LAMC1: variants seen among roughly 807,000 people sequenced by gnomAD.
LAMC1 encodes the protein laminin subunit gamma-1.
Under a neutral mutation model 173.6 loss-of-function variants are expected in LAMC1, and 38 were observed. The ratio of observed to expected loss-of-function variants is 0.22; its 90% CI spans 0.17 to 0.29. The LOEUF (loss-of-function observed/expected upper bound fraction) is 0.29, where lower values mean the gene tolerates loss of function less well. Ranked by LOEUF, LAMC1 falls within the 10% of genes least tolerant of loss-of-function variation. LAMC1 has a pLI of 1.00. For missense variants in LAMC1, 1,824 were observed against 2,051.8 expected, an observed-to-expected ratio of 0.89 and a Z score of 2.14; for synonymous variants, 746 against 749.1, an observed-to-expected ratio of 1.00 and a Z score of 0.07.
rs1264898133 is a variant in LAMC1, at chr1:183,142,887, C to G, written c.*97C>G. On this transcript the variant is annotated 3_prime_UTR_variant, in exon 28 of 28. Transcript: ENST00000258341. ...AAAGATTACATTTTTCAGACCCCCA[C>G]TCCTCTGCTGCTGTCCATGACTGTC... is the stretch of plus-strand genomic sequence containing the variant. 4 of 1,278,322 alleles carry G rather than the reference C, an allele frequency of 3.1e-6. No homozygotes were observed. The highest frequency in any genetic ancestry group is 4.7e-5 in the East Asian group (2 of 42,698). The allele number at this position is 1,278,322 out of a possible 1,614,324, so 79.2% of individuals were successfully genotyped here.
intron 4 of LAMC1, among the ~76,000 whole-genome samples, chr1:183,113,400 AT>A (rs35831525): frequency 0.52 from 78,631 of 152,012 alleles, 21,040 homozygotes; most frequent in South Asian, 0.65. Flanking sequence ...GTATTCGAAT[AT>A]TTTTTTTAAA....
Position 183,144,274 on chromosome 1 carries a change from A to G in LAMC1, c.*1484A>G, listed in dbSNP as rs558422227. 6.5e-6 allele frequency: 1 copy of G among 152,702 alleles called. No homozygotes were observed. Among genetic ancestry groups the G allele is most frequent in the South Asian group, 2.1e-4 (1 of 4,826 alleles). The allele number at this position is 152,702 out of a possible 1,614,324, so 9.5% of individuals were successfully genotyped here. A position where few individuals can be genotyped will look rare whatever the true frequency, so the allele number is the denominator to read the frequency against. ...ACACTGGTGCTATTAATTATTTCAA[A>G]TTTATATTTTTGTGTGAATGTTTTG... is the stretch of plus-strand genomic sequence containing the variant. On this transcript the variant is annotated 3_prime_UTR_variant, in exon 28 of 28. Coordinates refer to ENST00000258341, the MANE Select transcript of LAMC1 (RefSeq NM_002293.4).
intron 1 of LAMC1, among the ~76,000 whole-genome samples, chr1:183,090,813 G>T (rs550332409): frequency 4.6e-5 from 7 of 152,142 alleles, no homozygotes; most frequent in African/African-American, 1.4e-4. Context: ...TCTGCCTGGT[G>T]GGGGGAGGGT....
intron 27 of LAMC1, 90 bp from the exon 28 acceptor site, chr1:183,142,444 G>C: frequency 7.4e-7 from 1 of 1,359,114 alleles, no homozygotes; most frequent in South Asian, 1.4e-5. Flanking sequence ...AATGGCAGCT[G>C]CTGGGCCTAG....
At chr1:183,124,918 C>G (rs768583915) in intron 14 of LAMC1, 42 bp downstream of exon 14, 2 of 1,599,092 alleles carry the variant, frequency 1.3e-6, no homozygotes, top group Non-Finnish European at 8.5e-7. Context: ...CTAAATGCCC[C>G]TTTATTGTGA....
In LAMC1 at chr1:183,085,975, A is replaced by G. The variant is rs1386488239; in HGVS notation, c.419-17353A>G. On this transcript the variant is annotated intron_variant, in intron 1 of 27. Coordinates refer to ENST00000258341, the MANE Select transcript of LAMC1 (RefSeq NM_002293.4). ...TAAGAACTTGGAGTGCTTGATCCTT[A>G]GCATACATTTGTGTCCACTTAGGTC... is the stretch of plus-strand genomic sequence containing the variant. Among the ~76,000 whole-genome samples the G allele has an allele frequency of 2.0e-5, 3 of 152,138 alleles. No individual in the cohort carries two copies. In the East Asian group the frequency reaches 5.8e-4, roughly 29 times the overall value.
rs1433760839 is a variant in LAMC1 at position 183,118,154 on chromosome 1, A to T, written c.1990+8A>T. The T allele has an allele frequency of 9.0e-6, 13 of 1,447,638 alleles. No homozygotes were observed. The highest frequency in any genetic ancestry group is 1.2e-5 in the Non-Finnish European group (12 of 1,031,698). The allele number at this position is 1,447,638 out of a possible 1,614,324, so 89.7% of individuals were successfully genotyped here. Reference sequence around the variant, plus strand: ...GGACATACAGTGAGAGAAGTAAGTTATGATATAATTTAGGAGAGTTGTTTA... The same window carrying T: ...GGACATACAGTGAGAGAAGTAAGTTTTGATATAATTTAGGAGAGTTGTTTA... On this transcript the variant is annotated splice_region_variant and intron_variant, in intron 11 of 27. Coordinates refer to ENST00000258341, the MANE Select transcript of LAMC1 (RefSeq NM_002293.4).
intron 1 of LAMC1, among the ~76,000 whole-genome samples, chr1:183,049,049 T>C (rs898348198): frequency 6.6e-6 from 1 of 152,246 alleles, no homozygotes; most frequent in African/African-American, 2.4e-5. Flanking sequence ...TTGCATCTAA[T>C]GTGTACTCCA....
chr1:183,059,116 G>C (rs1307666853), intron 1 of LAMC1, among the ~76,000 whole-genome samples: 1 of 152,164 alleles, frequency 6.6e-6, no homozygotes, highest in Non-Finnish European at 1.5e-5. Context: ...GACTCATCTG[G>C]TAGTGAAGTG....
chr1:183,038,099 G>T (rs12083230), intron 1 of LAMC1, among the ~76,000 whole-genome samples: 12,241 of 149,862 alleles, frequency 0.082, 878 homozygotes, highest in East Asian at 0.4. Context: ...GCAGTGGTGT[G>T]ATCTCAGCTC....
chr1:183,038,598 G>T (rs1277426736), intron 1 of LAMC1, among the ~76,000 whole-genome samples: 1 of 152,164 alleles, frequency 6.6e-6, no homozygotes, highest in Non-Finnish European at 1.5e-5. Context: ...TTAGAAAGAG[G>T]GTAGTGACAG....
chr1:183,136,280 CCTGA>C, intron 24 of LAMC1, 102 bp from the exon 25 acceptor site: 1 of 925,224 alleles, frequency 1.1e-6, no homozygotes, highest in East Asian at 2.6e-5. Context: ...CATTTTTTAC[CCTGA>C]CTTCCATTGT....
intron 1 of LAMC1, among the ~76,000 whole-genome samples, chr1:183,043,028 A>G (rs1320463594): frequency 6.6e-6 from 1 of 152,206 alleles, no homozygotes; most frequent in Non-Finnish European, 1.5e-5. Flanking sequence ...GTGATAAATC[A>G]GTGCTTTTTG....
In LAMC1 at chr1:183,135,332, T is replaced by C. The variant is rs565618326; in HGVS notation, c.4114+176T>C. ...GTCATTTTATCCCTGCATACTTCAG[T>C]ATGGATTTTTTTTTAAAGATGTTTT... On this transcript the variant is annotated intron_variant, in intron 24 of 27. Coordinates refer to ENST00000258341, the MANE Select transcript of LAMC1 (RefSeq NM_002293.4). 1.6e-4 allele frequency among the ~76,000 whole-genome samples: 25 copies of C among 152,314 alleles called. 1 individual carries two copies. The South Asian group carries it at 3.3e-3, about 20-fold the overall frequency.
At chr1:183,098,768 G>A (rs966178724) in intron 1 of LAMC1, among the ~76,000 whole-genome samples, 7 of 152,138 alleles carry the variant, frequency 4.6e-5, no homozygotes, top group African/African-American at 1.4e-4. Flanking sequence ...AACCTACAAT[G>A]TCACTTTGCA....
At chr1:183,048,614 T>TTATA (rs1412646809) in intron 1 of LAMC1, among the ~76,000 whole-genome samples, 1 of 152,228 alleles carries the variant, frequency 6.6e-6, no homozygotes, top group African/African-American at 2.4e-5. Context: ...CTGCTTTATG[T>TTATA]TATAGTTAGA....
intron 1 of LAMC1, among the ~76,000 whole-genome samples, chr1:183,083,433 CT>C (rs777292776): frequency 1.3e-4 from 15 of 119,106 alleles, no homozygotes; most frequent in Non-Finnish European, 7.5e-5. Context: ...CATATACTAC[CT>C]GATGTATGCT....
At position 183,086,938 on chromosome 1, in the gene LAMC1, C is replaced by A. The variant is rs189109789; in HGVS notation, c.419-16390C>A. ...AATAGAGATATTTTCAGAAATCTAA[C>A]AGATAAGATGGTAGAGTCAAGCTCT... On this transcript the variant is annotated intron_variant, in intron 1 of 27. Transcript: ENST00000258341. Among the ~76,000 whole-genome samples, 253 of 152,254 alleles carry A rather than the reference C, an allele frequency of 1.7e-3. 3 individuals are homozygous for A. Among genetic ancestry groups the A allele is most frequent in the African/African-American group, 5.0e-3 (208 of 41,544 alleles).
chr1:183,096,433 G>A (rs569830750), intron 1 of LAMC1: 2 of 152,236 alleles, frequency 1.3e-5, no homozygotes, highest in Non-Finnish European at 1.5e-5. Context: ...TACCTGCTTT[G>A]TTATATTTCA....
Sources: allele counts gnomAD v4.1 joint callset (sites outside exome capture counted in the v4.1 genomes callset), GRCh38; gene constraint gnomAD v4.1.1; transcripts MANE v1.5; gene names NCBI Gene and HGNC (gene_info 2026-07-23, HGNC 2026-07-21).